Variants in PALS2 observed in about 807,000 individuals in gnomAD.
PALS2 encodes the protein protein associated with LIN7 2, MAGUK p55 family member.
Under a neutral mutation model 61.6 loss-of-function variants are expected in PALS2, and 27 were observed. That is an observed-to-expected ratio of 0.44 (90% CI 0.32 to 0.60). The LOEUF (loss-of-function observed/expected upper bound fraction) is 0.60. PALS2 is among the 20% of genes least tolerant of loss of function. The probability of loss-of-function intolerance (pLI) is 0.05; values close to 1 mark genes in which losing one functional copy is unlikely to be tolerated. For missense variants in PALS2, 554 were observed against 639.4 expected, an observed-to-expected ratio of 0.87 and a Z score of 1.44; for synonymous variants, 236 against 218.6, an observed-to-expected ratio of 1.08 and a Z score of -0.70.
At chr7:24,640,540 C>G (rs1562633619) in intron 2 of PALS2, among the ~76,000 whole-genome samples, 1 of 152,224 alleles carries the variant, frequency 6.6e-6, no homozygotes, top group East Asian at 1.9e-4. Flanking sequence ...GATTTGCTAT[C>G]TTACATGGTT....
Position 24,693,805 on chromosome 7 carries a change from A to G in PALS2, c.*6191A>G, listed in dbSNP as rs139136145. On this transcript the variant is annotated 3_prime_UTR_variant, in exon 12 of 12. Transcript: ENST00000222644. The stretch of plus-strand genomic sequence containing the variant: ...GAATGAGCACTAGTATTCAGCAACA[A>G]GTGCAATTTCTCCATGTTATGTTGA... 160 of 152,298 alleles carry G rather than the reference A, an allele frequency of 1.1e-3. 1 individual carries two copies. Among genetic ancestry groups the G allele is most frequent in the African/African-American group, 3.5e-3 (147 of 41,578 alleles). 9.4% of individuals were successfully genotyped at this position (152,298 alleles called of 1,614,324 possible).
intron 9 of PALS2, among the ~76,000 whole-genome samples, chr7:24,669,832 C>G (rs1199554989): frequency 6.6e-6 from 1 of 152,158 alleles, no homozygotes; most frequent in Non-Finnish European, 1.5e-5. Context: ...TTAGACAAAT[C>G]CTACTAAAGT....
At chr7:24,667,996 T>C (rs1361415878) in intron 8 of PALS2, among the ~76,000 whole-genome samples, 1 of 151,828 alleles carries the variant, frequency 6.6e-6, no homozygotes, top group Non-Finnish European at 1.5e-5. Flanking sequence ...GGCAAATGGA[T>C]GGAACCAGAT....
In PALS2 at chr7:24,649,561, A is replaced by C. The variant is rs779540359; in HGVS notation, c.271-51A>C. ...AAATAACAAAGTACTTTTAGTAACA[A>C]ATTTCATCCACATATCATAAATAAC... On this transcript the variant is annotated intron_variant, in intron 3 of 11. Coordinates refer to ENST00000222644, the MANE Select transcript of PALS2 (RefSeq NM_001303037.2). 18 of 1,439,836 alleles carry C rather than the reference A, an allele frequency of 1.3e-5. 1 individual carries two copies. The East Asian group carries it at 4.3e-4, about 34-fold the overall frequency. 89.2% of individuals were successfully genotyped at this position (1,439,836 alleles called of 1,614,324 possible).
At chr7:24,614,918 T>C (rs1007127625) in intron 1 of PALS2, among the ~76,000 whole-genome samples, 2 of 151,884 alleles carry the variant, frequency 1.3e-5, no homozygotes, top group Admixed American at 6.6e-5. Context: ...GTCACAAAAA[T>C]TTTTAAAAAT....
intron 11 of PALS2, among the ~76,000 whole-genome samples, chr7:24,684,210 C>T (rs1386483545): frequency 6.6e-6 from 1 of 152,146 alleles, no homozygotes; most frequent in East Asian, 1.9e-4. Flanking sequence ...AGCGATTCTC[C>T]TGCCTCAGCC....
intron 1 of PALS2, among the ~76,000 whole-genome samples, chr7:24,590,457 T>TG (rs1052742166): frequency 1.3e-5 from 2 of 152,184 alleles, no homozygotes; most frequent in Middle Eastern, 3.4e-3. Flanking sequence ...TTTCTCTGCT[T>TG]GGGGTGTTCT....
chr7:24,603,865 A>C (rs1783800840), intron 1 of PALS2, among the ~76,000 whole-genome samples: 1 of 152,200 alleles, frequency 6.6e-6, no homozygotes, highest in South Asian at 2.1e-4. Flanking sequence ...AAAAATAATA[A>C]ATCTAGAGTT....
At chr7:24,647,753 G>C (rs1785917205) in intron 3 of PALS2, among the ~76,000 whole-genome samples, 1 of 152,150 alleles carries the variant, frequency 6.6e-6, no homozygotes, top group Admixed American at 6.5e-5. Context: ...GGTAACAAAT[G>C]AGTTTTTTCA....
chr7:24,680,826 C>G (rs1787886880), intron 11 of PALS2, among the ~76,000 whole-genome samples: 1 of 152,158 alleles, frequency 6.6e-6, no homozygotes, highest in Non-Finnish European at 1.5e-5. Flanking sequence ...GAACTCCTGA[C>G]CTCAGGCAAT....
At chr7:24,628,937 T>C (rs1784868192) in intron 2 of PALS2, among the ~76,000 whole-genome samples, 1 of 152,186 alleles carries the variant, frequency 6.6e-6, no homozygotes, top group African/African-American at 2.4e-5. Flanking sequence ...ATAATCTCAA[T>C]GCTATTCCCA....
intron 1 of PALS2, among the ~76,000 whole-genome samples, chr7:24,585,259 G>A (rs1044649971): frequency 6.6e-6 from 1 of 151,636 alleles, no homozygotes; most frequent in Non-Finnish European, 1.5e-5. Flanking sequence ...TGGGCAGTAT[G>A]GCCATTTTGA....
intron 2 of PALS2, among the ~76,000 whole-genome samples, chr7:24,630,922 C>G (rs1040526419): frequency 6.6e-5 from 10 of 152,206 alleles, no homozygotes; most frequent in Non-Finnish European, 1.5e-4. Flanking sequence ...TTATTGACAA[C>G]ACACTTGGTC....
Position 24,632,153 on chromosome 7 carries a change from T to G in PALS2, c.117+8369T>G, listed in dbSNP as rs116469120. Among the ~76,000 whole-genome samples the G allele has an allele frequency of 5.2e-3, 787 of 152,310 alleles. 6 individuals carry two copies. Among genetic ancestry groups the G allele is most frequent in the African/African-American group, 0.017 (719 of 41,556 alleles). On this transcript the variant is annotated intron_variant, in intron 2 of 11. Transcript: ENST00000222644. ...TTGTTAAACACACATTCACTAAGAT[T>G]GTTATATCATCTCAGAGAATCAACT... is the stretch of plus-strand genomic sequence containing the variant.
chr7:24,607,505 G>A (rs984473654), intron 1 of PALS2, among the ~76,000 whole-genome samples: 1 of 150,610 alleles, frequency 6.6e-6, no homozygotes, highest in Non-Finnish European at 1.5e-5. Context: ...ATATATATGT[G>A]TATATATATG....
At chr7:24,604,219 G>GAA (rs58169190) in intron 1 of PALS2, among the ~76,000 whole-genome samples, 965 of 86,112 alleles carry the variant, frequency 0.011, 7 homozygotes, top group Middle Eastern at 0.055. Context: ...TTCAAGAAAA[G>GAA]AAAAAAAAAA....
chr7:24,663,527 A>AT (rs1786849698), intron 5 of PALS2, 63 bp from the exon 6 acceptor site: 6 of 1,440,526 alleles, frequency 4.2e-6, no homozygotes, highest in Non-Finnish European at 4.7e-6. Context: ...TTTGACAAGG[A>AT]TTTTTTAAAT....
intron 1 of PALS2, among the ~76,000 whole-genome samples, chr7:24,605,857 A>G (rs528118599): frequency 1.3e-5 from 2 of 152,318 alleles, no homozygotes; most frequent in Admixed American, 6.5e-5. Flanking sequence ...GAGGATTCCT[A>G]GAAGTTTCTA....
rs571021829 is a variant in PALS2, at chr7:24,657,087, A to G, written c.651+6375A>G. ...ATTGATAGTTCATTTCTTTTTATTG[A>G]CAAGTGATATTCCATTGCATGGCTG... is the stretch of plus-strand genomic sequence containing the variant. On this transcript the variant is annotated intron_variant, in intron 5 of 11. Coordinates refer to ENST00000222644, the MANE Select transcript of PALS2 (RefSeq NM_001303037.2). Among the ~76,000 whole-genome samples the G allele has an allele frequency of 8.5e-5, 13 of 152,228 alleles. No individual in the cohort carries two copies. In the South Asian group the frequency reaches 2.7e-3, roughly 32 times the overall value.
Sources: allele counts gnomAD v4.1 joint callset (sites outside exome capture counted in the v4.1 genomes callset), GRCh38; gene constraint gnomAD v4.1.1; transcripts MANE v1.5; gene names NCBI Gene and HGNC (gene_info 2026-07-23, HGNC 2026-07-21).